Variants in MICU1 observed in about 807,000 individuals in gnomAD.
MICU1 encodes calcium uptake protein 1, mitochondrial.
A neutral mutation model predicts 56.8 loss-of-function variants in MICU1; 45 were observed. That is an observed-to-expected ratio of 0.79 (90% CI 0.62 to 1.02). The LOEUF is 1.02. MICU1 is among the 50% of genes least tolerant of loss of function. The probability of loss-of-function intolerance (pLI) is 0.00; values close to 1 mark genes in which losing one functional copy is unlikely to be tolerated. For synonymous variants in MICU1, 186 were observed against 195.1 expected (o/e 0.95, Z 0.39); for missense variants, 504 against 587.1 (o/e 0.86, Z 1.46).
At chr10:72,596,111 C>A (rs61864370) in intron 1 of MICU1, among the ~76,000 whole-genome samples, 88,998 of 151,552 alleles carry the variant, frequency 0.59, 27,409 homozygotes, top group Non-Finnish European at 0.68. Context: ...TCAGCCTCCC[C>A]AGTAGCTGGG....
intron 8 of MICU1, among the ~76,000 whole-genome samples, chr10:72,447,396 A>G (rs999437560): frequency 2.2e-4 from 33 of 152,166 alleles, no homozygotes; most frequent in African/African-American, 8.0e-4. Flanking sequence ...CTCTATACAG[A>G]TATATATTAT....
chr10:72,490,905 A>G (rs1384467518), intron 6 of MICU1, among the ~76,000 whole-genome samples: 1 of 152,114 alleles, frequency 6.6e-6, no homozygotes, highest in African/African-American at 2.4e-5. Context: ...TTTCCCCTCA[A>G]TTTGTCTTCG....
chr10:72,610,239 T>TGACA (rs1841806880), intron 1 of MICU1, among the ~76,000 whole-genome samples: 1 of 122,900 alleles, frequency 8.1e-6, no homozygotes, highest in Admixed American at 9.5e-5. Context: ...CCAGCATAAG[T>TGACA]GACAGAGTGA....
Position 72,571,884 on chromosome 10 carries a change from C to T in MICU1, c.-1-5090G>A, listed in dbSNP as rs1305985309. Among the ~76,000 whole-genome samples, 4 of 151,254 alleles carry T rather than the reference C, an allele frequency of 2.6e-5. No individual in the cohort carries two copies. In the South Asian group the frequency reaches 8.3e-4, roughly 31 times the overall value. Reference sequence around the variant, plus strand: ...ACATGGGCAACATGGTAAAACCCCACCTCTAAAAAAAAAATAATGATAAAG... The same window carrying T: ...ACATGGGCAACATGGTAAAACCCCATCTCTAAAAAAAAAATAATGATAAAG... On this transcript the variant is annotated intron_variant, in intron 1 of 11. Transcript: ENST00000361114.
At chr10:72,480,724 C>T (rs1866268303) in intron 6 of MICU1, among the ~76,000 whole-genome samples, 1 of 152,194 alleles carries the variant, frequency 6.6e-6, no homozygotes, top group Non-Finnish European at 1.5e-5. Context: ...TCCCTCTCTC[C>T]ACAATTACAG....
chr10:72,546,019 A>G (rs572150956), intron 4 of MICU1, among the ~76,000 whole-genome samples: 3 of 152,286 alleles, frequency 2.0e-5, no homozygotes, highest in African/African-American at 7.2e-5. Flanking sequence ...AGGCATGTCC[A>G]AACCCCCTTC....
chr10:72,567,252 G>C (rs554857176), intron 1 of MICU1, among the ~76,000 whole-genome samples: 1 of 152,058 alleles, frequency 6.6e-6, no homozygotes, highest in East Asian at 1.9e-4. Context: ...GCTGAGGTGA[G>C]AGCACTACTT....
intron 3 of MICU1, among the ~76,000 whole-genome samples, chr10:72,551,764 T>C (rs1249786847): frequency 6.6e-6 from 1 of 152,146 alleles, no homozygotes; most frequent in Non-Finnish European, 1.5e-5. Flanking sequence ...TTTACAATCC[T>C]TCCCAGAAGA....
chr10:72,485,553 TA>T (rs1297196197), intron 6 of MICU1, among the ~76,000 whole-genome samples: 158 of 140,286 alleles, frequency 1.1e-3, no homozygotes, highest in Admixed American at 1.2e-3. Flanking sequence ...CGTTTCCAGT[TA>T]AAAAAAAAAA....
In MICU1 at chr10:72,562,935, T is replaced by C; in HGVS notation, c.290A>G (p.Glu97Gly). 3.1e-6 allele frequency: 5 copies of C among 1,605,674 alleles called. No homozygotes were observed. The highest frequency in any genetic ancestry group is 4.2e-6 in the Non-Finnish European group (5 of 1,176,978). The stretch of plus-strand genomic sequence containing the variant: ...TCCAGAACGTTTCTTCTTTTTCTCT[T>C]CTGGGTGAGGGGCAAGATCTGCAGT... ...KKTADLAPHP[E>G]EKKKKRSGFR... The change falls in exon 3 of 12, where the codon GAA becomes GGA. Residue 97 changes from glutamate to glycine, a missense_variant. Glu to Gly is a moderately conservative substitution (Grantham distance 98). Coordinates refer to ENST00000361114, the MANE Select transcript of MICU1 (RefSeq NM_001195518.2).
chr10:72,386,190 T>C (rs1862881325), intron 10 of MICU1, among the ~76,000 whole-genome samples: 1 of 152,136 alleles, frequency 6.6e-6, no homozygotes, highest in African/African-American at 2.4e-5. Flanking sequence ...ATGTCTTTTT[T>C]TTTTGGAGGG....
rs1328307203 is a variant in MICU1 at position 72,404,012 on chromosome 10, CAG to C, written c.1180+3915_1180+3916del. Among the ~76,000 whole-genome samples the C allele has an allele frequency of 4.0e-5, 6 of 149,266 alleles. No individual in the cohort carries two copies. The East Asian group carries it at 1.2e-3, about 30-fold the overall frequency. ...TTTTTGTTTGTTTGTTTTTTGGAGA[CAG>C]AGTCTTCCTCTGTCTCTCAAGCTGG... On this transcript the variant is annotated intron_variant, in intron 10 of 11. Transcript: ENST00000361114.
At position 72,524,881 on chromosome 10, in the gene MICU1, G is replaced by T. The variant is rs1203675198; in HGVS notation, c.537+8865C>A. The T allele has an allele frequency of 6.0e-6, 3 of 499,794 alleles. No homozygotes were observed. The East Asian group carries it at 1.1e-4, about 18-fold the overall frequency. 31.0% of individuals were successfully genotyped at this position (499,794 alleles called of 1,614,324 possible). On this transcript the variant is annotated intron_variant, in intron 5 of 11. Coordinates refer to ENST00000361114, the MANE Select transcript of MICU1 (RefSeq NM_001195518.2). The stretch of plus-strand genomic sequence containing the variant: ...CTGTAATAATATCACTGAACACCTG[G>T]AAGTAGGAAATGAGGAATACATAGA...
chr10:72,494,958 A>G (rs1403733485), intron 6 of MICU1, among the ~76,000 whole-genome samples: 4 of 152,162 alleles, frequency 2.6e-5, no homozygotes, highest in Non-Finnish European at 5.9e-5. Flanking sequence ...TCTCAGCCTC[A>G]GTTATTAGAT....
intron 5 of MICU1, among the ~76,000 whole-genome samples, chr10:72,512,716 T>TTGTTTTGTTTTGTTTTGTTTTG (rs1564911867): frequency 1.3e-4 from 20 of 151,732 alleles, no homozygotes; most frequent in African/African-American, 4.4e-4. Context: ...TTGTTTTGTT[T>TTGTTTTGTTTTGTTTTGTTTTG]TGAGACAGTG....
intron 8 of MICU1, among the ~76,000 whole-genome samples, chr10:72,462,005 T>C (rs1022383397): frequency 3.9e-5 from 6 of 152,190 alleles, no homozygotes; most frequent in Middle Eastern, 3.4e-3. Context: ...TGGAATCAAA[T>C]CTCAGCTCCA....
At chr10:72,479,716 TG>T (rs1257287494) in intron 6 of MICU1, among the ~76,000 whole-genome samples, 1 of 152,108 alleles carries the variant, frequency 6.6e-6, no homozygotes, top group Non-Finnish European at 1.5e-5. Flanking sequence ...TGTGGAGATG[TG>T]GTCTCACTAC....
chr10:72,600,775 G>C (rs1188461676), intron 1 of MICU1, among the ~76,000 whole-genome samples: 1 of 152,132 alleles, frequency 6.6e-6, no homozygotes, highest in Non-Finnish European at 1.5e-5. Flanking sequence ...AAATTTGTGA[G>C]TAGAAGACAT....
At chr10:72,572,269 C>T (rs1840630459) in intron 1 of MICU1, among the ~76,000 whole-genome samples, 1 of 152,096 alleles carries the variant, frequency 6.6e-6, no homozygotes, top group South Asian at 2.1e-4. Context: ...GGAGAAAAGA[C>T]TAAGATCATA....
Sources: allele counts gnomAD v4.1 joint callset (sites outside exome capture counted in the v4.1 genomes callset), GRCh38; gene constraint gnomAD v4.1.1; transcripts MANE v1.5; gene names NCBI Gene and HGNC (gene_info 2026-07-23, HGNC 2026-07-21).